Variants in RALYL observed in about 807,000 individuals in gnomAD.
The protein encoded by RALYL is RALY RNA binding protein like.
In RALYL, 29 loss-of-function variants were observed where a neutral mutation model predicts 35.1. That is an observed-to-expected ratio of 0.83 (90% confidence interval 0.61 to 1.13). RALYL has a LOEUF of 1.13. Among genes scored for constraint, RALYL ranks in the 50% most tolerant of loss-of-function variants. The probability of loss-of-function intolerance (pLI) is 0.00; values close to 1 mark genes in which losing one functional copy is unlikely to be tolerated. For missense variants in RALYL, 359 were observed against 360.4 expected (o/e 1.00, Z 0.03); for synonymous variants, 120 against 127.6 (o/e 0.94, Z 0.40).
chr8:84,417,319 C>T (rs1485489098), intron 1 of RALYL, among the ~76,000 whole-genome samples: 1 of 152,066 alleles, frequency 6.6e-6, no homozygotes, highest in Non-Finnish European at 1.5e-5. Context: ...ACACAAGAAT[C>T]TCTTGGGCAA....
Position 84,213,315 on chromosome 8 carries a change from C to T in RALYL, c.-24+28891C>T, listed in dbSNP as rs113612670. ...CTGAGGCAGGAGAATTGCTTGAACCCGGGAGACAGAGGTTGCAGTGAGCCG... is the reference window on the plus strand; with the variant it reads ...CTGAGGCAGGAGAATTGCTTGAACCTGGGAGACAGAGGTTGCAGTGAGCCG... On this transcript the variant is annotated intron_variant, in intron 1 of 8. Coordinates refer to ENST00000521268, the MANE Select transcript of RALYL (RefSeq NM_173848.7). 5.3e-3 allele frequency among the ~76,000 whole-genome samples: 813 copies of T among 152,090 alleles called. 8 individuals are homozygous for T. The highest frequency in any genetic ancestry group is 0.018 in the African/African-American group (767 of 41,484).
At chr8:84,595,871 C>T (rs1008245541) in intron 2 of RALYL, among the ~76,000 whole-genome samples, 1 of 151,276 alleles carries the variant, frequency 6.6e-6, no homozygotes, top group East Asian at 2.0e-4. Context: ...AAACCACACG[C>T]TCATGGGAAC....
At chr8:84,409,737 C>G (rs1473855037) in intron 1 of RALYL, among the ~76,000 whole-genome samples, 1 of 151,968 alleles carries the variant, frequency 6.6e-6, no homozygotes, top group Non-Finnish European at 1.5e-5. Flanking sequence ...AACTAAGATC[C>G]TAAAGACCAT....
chr8:84,503,922 TA>T (rs2056938959), intron 1 of RALYL, among the ~76,000 whole-genome samples: 1 of 151,380 alleles, frequency 6.6e-6, no homozygotes, highest in Non-Finnish European at 1.5e-5. Flanking sequence ...GATCCAAAAG[TA>T]AAGACAAAAT....
intron 2 of RALYL, among the ~76,000 whole-genome samples, chr8:84,691,658 G>A (rs1416398969): frequency 6.6e-6 from 1 of 151,834 alleles, no homozygotes; most frequent in Non-Finnish European, 1.5e-5. Context: ...GAAGTGGTGA[G>A]GCCTATATCA....
chr8:84,227,350 G>A (rs887848585), intron 1 of RALYL, among the ~76,000 whole-genome samples: 4 of 137,736 alleles, frequency 2.9e-5, no homozygotes, highest in African/African-American at 9.0e-5. Context: ...GAGCCACCAC[G>A]TCTGGCACAA....
chr8:84,367,443 G>A (rs573888767), intron 1 of RALYL, among the ~76,000 whole-genome samples: 53 of 135,758 alleles, frequency 3.9e-4, no homozygotes, highest in African/African-American at 1.1e-3. Flanking sequence ...GCCTGCCTTA[G>A]CCTCCCAAAG....
At chr8:84,562,159 G>C (rs528080322) in intron 2 of RALYL, among the ~76,000 whole-genome samples, 2 of 151,982 alleles carry the variant, frequency 1.3e-5, no homozygotes, top group Admixed American at 6.6e-5. Flanking sequence ...CAAAATACTT[G>C]CTGTAAAATC....
intron 1 of RALYL, among the ~76,000 whole-genome samples, chr8:84,333,832 T>A: frequency 6.6e-6 from 1 of 152,152 alleles, no homozygotes; most frequent in East Asian, 1.9e-4. Context: ...AATTTATTTA[T>A]TTTAGAATTT....
chr8:84,612,128 A>G (rs1818435628), intron 2 of RALYL, among the ~76,000 whole-genome samples: 1 of 152,024 alleles, frequency 6.6e-6, no homozygotes, highest in Admixed American at 6.6e-5. Flanking sequence ...TTTGCTATGT[A>G]GAAGATTTAT....
At chr8:84,580,685 T>C (rs1362780694) in intron 2 of RALYL, among the ~76,000 whole-genome samples, 1 of 152,242 alleles carries the variant, frequency 6.6e-6, no homozygotes, top group Non-Finnish European at 1.5e-5. Context: ...CCTTTCGGGC[T>C]AAACAATGTC....
chr8:84,411,855 A>T (rs922618880), intron 1 of RALYL, among the ~76,000 whole-genome samples: 1 of 151,986 alleles, frequency 6.6e-6, no homozygotes, highest in Admixed American at 6.6e-5. Context: ...CAGGGGCCAG[A>T]CTTCCTAGGC....
intron 1 of RALYL, among the ~76,000 whole-genome samples, chr8:84,227,201 C>G (rs1333232063): frequency 1.3e-5 from 2 of 151,596 alleles, no homozygotes; most frequent in Non-Finnish European, 2.9e-5. Context: ...GCTGGAACTA[C>G]AGGTGCAGCC....
At chr8:84,576,535 C>A (rs1809478634) in intron 2 of RALYL, among the ~76,000 whole-genome samples, 2 of 152,164 alleles carry the variant, frequency 1.3e-5, no homozygotes. Context: ...CAGGTTGACA[C>A]AGGTGCCACC....
intron 2 of RALYL, among the ~76,000 whole-genome samples, chr8:84,669,271 T>C (rs1200143269): frequency 6.6e-6 from 1 of 152,170 alleles, no homozygotes; most frequent in African/African-American, 2.4e-5. Flanking sequence ...ATGTTGACAC[T>C]AGGTGATCAT....
intron 2 of RALYL, among the ~76,000 whole-genome samples, chr8:84,735,809 C>CGAGAGA (rs766504736): frequency 1.7e-5 from 2 of 119,046 alleles, no homozygotes; most frequent in Non-Finnish European, 3.7e-5. Context: ...TCATCCAAAC[C>CGAGAGA]GCGAGAGAGA....
intron 1 of RALYL, among the ~76,000 whole-genome samples, chr8:84,279,211 G>A (rs1379528548): frequency 6.6e-6 from 1 of 152,120 alleles, no homozygotes; most frequent in Non-Finnish European, 1.5e-5. Context: ...GGGGGAAACT[G>A]TCCCCATGAC....
chr8:84,415,222 T>TTTTTG (rs1213589684), intron 1 of RALYL, among the ~76,000 whole-genome samples: 50 of 150,986 alleles, frequency 3.3e-4, no homozygotes, highest in African/African-American at 6.3e-4. Flanking sequence ...TTTTTTTGTT[T>TTTTTG]TTTTGTTTTG....
At chr8:84,752,865 C>T (rs1225582777) in intron 2 of RALYL, among the ~76,000 whole-genome samples, 1 of 152,200 alleles carries the variant, frequency 6.6e-6, no homozygotes, top group African/African-American at 2.4e-5. Context: ...CAGAATACTG[C>T]TGCAGGGCTG....
Sources: gnomAD v4.1 joint callset for allele counts (sites outside exome capture counted in the v4.1 genomes callset) on GRCh38, gnomAD v4.1.1 for gene constraint, MANE v1.5 for transcripts, NCBI Gene and HGNC (gene_info 2026-07-23, HGNC 2026-07-21) for gene names.